Variants in KLHDC4 observed in about 807,000 individuals in gnomAD.
KLHDC4 encodes the protein kelch domain containing 4, also known as kelch domain-containing protein 4.
In KLHDC4, 90 loss-of-function variants were observed where a neutral mutation model predicts 62.4. The observed-to-expected ratio is 1.44, with a 90% CI of 1.22 to 1.72. The LOEUF (loss-of-function observed/expected upper bound fraction) is 1.72. KLHDC4 is among the 40% of genes most tolerant of loss of function. The pLI is 0.00. For synonymous variants in KLHDC4, 386 were observed against 284.4 expected, an observed-to-expected ratio of 1.36 and a Z score of -3.59; for missense variants, 1,025 against 699.7, an observed-to-expected ratio of 1.47 and a Z score of -5.25.
chr16:87,748,881 G>C, intron 4 of KLHDC4, 72 bp from the exon 5 acceptor site: 1 of 1,583,248 alleles, frequency 6.3e-7, no homozygotes, highest in Non-Finnish European at 8.6e-7. Flanking sequence ...GTGACCGGTA[G>C]TGGTGAGCGC....
At chr16:87,761,136 G>C (rs895058792) in intron 2 of KLHDC4, among the ~76,000 whole-genome samples, 10 of 152,230 alleles carry the variant, frequency 6.6e-5, no homozygotes, top group African/African-American at 2.2e-4. Flanking sequence ...TAATGGACAT[G>C]AAGTGAAAAC....
intron 4 of KLHDC4, among the ~76,000 whole-genome samples, chr16:87,751,937 C>T (rs970354634): frequency 9.9e-5 from 15 of 151,108 alleles, no homozygotes; most frequent in Middle Eastern, 3.4e-3. Flanking sequence ...TAGCCAGGCA[C>T]GGTGGCAGGT....
chr16:87,715,749 T>C (rs954212333), intron 7 of KLHDC4, among the ~76,000 whole-genome samples: 2 of 152,190 alleles, frequency 1.3e-5, no homozygotes, highest in African/African-American at 4.8e-5. Flanking sequence ...CTCATCACAG[T>C]GGATGCTGAC....
intron 5 of KLHDC4, among the ~76,000 whole-genome samples, chr16:87,737,842 C>A (rs1191512450): frequency 6.6e-6 from 1 of 152,044 alleles, no homozygotes; most frequent in African/African-American, 2.4e-5. Context: ...CCGCCTGCCT[C>A]GGCCTCCCAA....
At chr16:87,708,791 C>T (rs1221476500) in intron 10 of KLHDC4, among the ~76,000 whole-genome samples, 1 of 152,166 alleles carries the variant, frequency 6.6e-6, no homozygotes, top group Non-Finnish European at 1.5e-5. Context: ...AACAGTTCAC[C>T]ACCTTTCCCT....
chr16:87,765,552 A>T (rs1403269387), intron 1 of KLHDC4, among the ~76,000 whole-genome samples: 2 of 152,016 alleles, frequency 1.3e-5, no homozygotes, highest in Non-Finnish European at 2.9e-5. Context: ...CACTAAGAAA[A>T]GCAAGCACGT....
chr16:87,709,529 C>T lies in KLHDC4; in HGVS notation c.1183G>A (p.Val395Met), dbSNP rs141700495. Residue 395 changes from valine (V) to methionine (M), a missense_variant, in exon 10 of 12, where the codon GTG becomes ATG. Physicochemically the swap from Val to Met is conservative, Grantham distance 21 (BLOSUM62 1). Coordinates refer to ENST00000270583, the MANE Select transcript of KLHDC4 (RefSeq NM_017566.4). ...GTGAGCACCTGCTTAATGGTGACCA[C>T]GGTGCCATCCTCGGCCACCACCTCC... Reference protein sequence around the residue: ...VKEVVAEDGTVVTIKQVLTAP... With the variant: ...VKEVVAEDGTMVTIKQVLTAP... The T allele has an allele frequency of 3.2e-4, 511 of 1,612,356 alleles. No individual in the cohort carries two copies. The highest frequency in any genetic ancestry group is 1.3e-3 in the African/African-American group (96 of 75,040).
intron 7 of KLHDC4, among the ~76,000 whole-genome samples, chr16:87,716,855 C>G (rs993577415): frequency 2.0e-5 from 3 of 152,148 alleles, no homozygotes; most frequent in South Asian, 2.1e-4. Context: ...TGGCATGAAC[C>G]CAGGAGGCGG....
rs537021402 is a variant in KLHDC4, at chr16:87,707,995, C to T, written c.*82G>A. ...CCTGTGCGTCAGGACGCACGCTGGC[C>T]CCAAGAGCTTCACTCAACACGGCTG... On this transcript the variant is annotated 3_prime_UTR_variant, in exon 12 of 12. Coordinates refer to ENST00000270583, the MANE Select transcript of KLHDC4 (RefSeq NM_017566.4). 2.1e-5 allele frequency: 10 copies of T among 485,010 alleles called. No homozygotes were observed. The highest frequency in any genetic ancestry group is 4.1e-5 in the Non-Finnish European group (10 of 246,138). 30.0% of individuals were successfully genotyped at this position (485,010 alleles called of 1,614,324 possible). A position where few individuals can be genotyped will look rare whatever the true frequency, so the allele number is the denominator to read the frequency against.
At chr16:87,758,457 A>G (rs992463739) in intron 2 of KLHDC4, among the ~76,000 whole-genome samples, 1 of 152,226 alleles carries the variant, frequency 6.6e-6, no homozygotes, top group African/African-American at 2.4e-5. Context: ...ACAAAAAGAC[A>G]CTTCTATGAC....
chr16:87,765,003 C>G (rs533612262), intron 1 of KLHDC4: 1 of 408,170 alleles, frequency 2.4e-6, no homozygotes, highest in Non-Finnish European at 4.9e-6. Flanking sequence ...CAGTTCCATA[C>G]CACTTCATGG....
intron 9 of KLHDC4, chr16:87,710,102 G>A (rs2035495709): frequency 5.9e-6 from 1 of 168,816 alleles, no homozygotes; most frequent in Admixed American, 5.7e-5. Context: ...CAAGACAGAC[G>A]GTCAGGCCCA....
chr16:87,733,109 C>T (rs137912970), intron 5 of KLHDC4, among the ~76,000 whole-genome samples: 2 of 150,616 alleles, frequency 1.3e-5, no homozygotes, highest in African/African-American at 4.9e-5. Flanking sequence ...CAAATCCTAT[C>T]CCAGCTTCTA....
intron 5 of KLHDC4, among the ~76,000 whole-genome samples, chr16:87,744,707 C>G (rs2042769267): frequency 6.6e-6 from 1 of 151,930 alleles, no homozygotes; most frequent in African/African-American, 2.4e-5. Context: ...TACCATAAAG[C>G]TACAGTAATT....
At chr16:87,702,225 A>T (rs376250856) in exon 1 of KLHDC4, 7 of 456,208 alleles carry the variant, frequency 1.5e-5, no homozygotes, top group South Asian at 1.1e-4. Flanking sequence ...ATGACAGCCA[A>T]CTCCTCCTCC....
In KLHDC4 at chr16:87,765,502, G is replaced by A. The variant is rs78810405; in HGVS notation, c.99+290C>T. On this transcript the variant is annotated intron_variant, in intron 1 of 11. Transcript: ENST00000270583. ...TCAGAGGGAGGGTGGAGGGAGAAGG[G>A]AGGAGGGGGAGGAAACGCAGAAAAA... Among the ~76,000 whole-genome samples, 742 of 152,224 alleles carry A rather than the reference G, an allele frequency of 4.9e-3. 5 individuals are homozygous for A. The highest frequency in any genetic ancestry group is 0.017 in the African/African-American group (726 of 41,550).
intron 5 of KLHDC4, among the ~76,000 whole-genome samples, chr16:87,732,421 T>A (rs2040547015): frequency 1.3e-5 from 2 of 152,322 alleles, no homozygotes; most frequent in African/African-American, 4.8e-5. Flanking sequence ...TTAACACTCA[T>A]CTAAGTGTAC....
intron 5 of KLHDC4, among the ~76,000 whole-genome samples, chr16:87,746,479 C>T (rs942737080): frequency 2.6e-5 from 4 of 152,182 alleles, no homozygotes; most frequent in Admixed American, 6.5e-5. Context: ...GCTGTGTCTC[C>T]TTATCAGACG....
intron 2 of KLHDC4, among the ~76,000 whole-genome samples, chr16:87,761,700 G>A (rs573903172): frequency 1.3e-5 from 2 of 152,304 alleles, no homozygotes; most frequent in East Asian, 1.9e-4. Flanking sequence ...ACGACCAGTG[G>A]AGGAGCTTTC....
Sources: allele counts gnomAD v4.1 joint callset (sites outside exome capture counted in the v4.1 genomes callset), GRCh38; gene constraint gnomAD v4.1.1; transcripts MANE v1.5; gene names NCBI Gene and HGNC (gene_info 2026-07-23, HGNC 2026-07-21).